Variants in TTF2 observed in about 807,000 individuals in gnomAD.
The protein encoded by TTF2 is RNA polymerase II termination factor.
TTF2 carries 108 observed loss-of-function variants against 142.4 expected under a neutral mutation model. The ratio of observed to expected loss-of-function variants is 0.76; its 90% CI spans 0.65 to 0.89. TTF2 has a LOEUF of 0.89. Among genes scored for constraint, TTF2 ranks in the 40% least tolerant of loss-of-function variants. The probability of loss-of-function intolerance (pLI) is 0.00; values close to 1 mark genes in which losing one functional copy is unlikely to be tolerated. For synonymous variants in TTF2, 483 were observed against 506.2 expected, an observed-to-expected ratio of 0.95 and a Z score of 0.61; for missense variants, 1,327 against 1,379.8, an observed-to-expected ratio of 0.96 and a Z score of 0.61.
Position 117,105,247 on chromosome 1 carries a change from C to T in TTF2, c.*3723C>T, listed in dbSNP as rs1649857507. On this transcript the variant is annotated 3_prime_UTR_variant, in exon 23 of 23. Transcript: ENST00000369466. The surrounding 1 kb of genome is among the most constrained non-coding windows in gnomAD (Gnocchi z 4.7). ...CAGCTGAGAACCAGATGGTGAACATCTGTCTCCAAAGTGCAACATTCCTGA... is the reference window on the plus strand; with the variant it reads ...CAGCTGAGAACCAGATGGTGAACATTTGTCTCCAAAGTGCAACATTCCTGA... 6.6e-6 allele frequency: 1 copy of T among 152,212 alleles called. No homozygotes were observed. The highest frequency in any genetic ancestry group is 6.5e-5 in the Admixed American group (1 of 15,286). The allele number at this position is 152,212 out of a possible 1,614,324, so 9.4% of individuals were successfully genotyped here. A position where few individuals can be genotyped will look rare whatever the true frequency, so the allele number is the denominator to read the frequency against.
At position 117,063,012 on chromosome 1, in the gene TTF2, C is replaced by T. The variant is rs1290648810; in HGVS notation, c.218+539C>T. Among the ~76,000 whole-genome samples, 3 of 152,126 alleles carry T rather than the reference C, an allele frequency of 2.0e-5. No homozygotes were observed. The highest frequency in any genetic ancestry group is 7.2e-5 in the African/African-American group (3 of 41,430). On this transcript the variant is annotated intron_variant, in intron 3 of 22. Coordinates refer to ENST00000369466, the MANE Select transcript of TTF2 (RefSeq NM_003594.4). This position sits in a 1 kb window ranked among gnomAD's most constrained non-coding sequence, Gnocchi z 4.1. ...ATTAGAGTACTAAGGCATGAATTAA[C>T]ATGGCATTTTCAGGGAAAATTTGAT...
intron 12 of TTF2, 103 bp from the exon 13 acceptor site, chr1:117,088,698 G>A: frequency 1.5e-6 from 2 of 1,314,262 alleles, no homozygotes; most frequent in South Asian, 3.0e-5. Flanking sequence ...AAATTTAAAG[G>A]TAAATGTGGG....
chr1:117,065,988 C>G (rs1019739750), intron 3 of TTF2, among the ~76,000 whole-genome samples: 1 of 97,952 alleles, frequency 1.0e-5, no homozygotes, highest in Non-Finnish European at 1.9e-5. Context: ...CACTATATAC[C>G]TTTTTTTTTT....
intron 19 of TTF2, 76 bp from the exon 20 acceptor site, chr1:117,096,073 T>C: frequency 5.3e-6 from 8 of 1,517,052 alleles, no homozygotes; most frequent in South Asian, 4.8e-5. Flanking sequence ...TTAAGAATGA[T>C]GAGGGCATTA....
rs749085011 is a variant in TTF2, at chr1:117,085,113, G to A, written c.2054+945G>A. Among the ~76,000 whole-genome samples the A allele has an allele frequency of 1.1e-4, 16 of 152,138 alleles. No individual in the cohort carries two copies. Among genetic ancestry groups the A allele is most frequent in the Non-Finnish European group, 1.9e-4 (13 of 68,032 alleles). ...TTGAATCTCACTTGATTTGTACTTT[G>A]AGCCTAACTTGTTTGGTATTTAGAA... is the stretch of plus-strand genomic sequence containing the variant. On this transcript the variant is annotated intron_variant, in intron 11 of 22. Coordinates refer to ENST00000369466, the MANE Select transcript of TTF2 (RefSeq NM_003594.4). This position sits in a 1 kb window ranked among gnomAD's most constrained non-coding sequence, Gnocchi z 4.7.
rs1332134305 is a variant in TTF2 at position 117,097,434 on chromosome 1, G to C, written c.3269+1G>C. 6.2e-7 allele frequency: 1 copy of C among 1,614,132 alleles called. No individual in the cohort carries two copies. Among genetic ancestry groups the C allele is most frequent in the East Asian group, 2.2e-5 (1 of 44,878 alleles). On this transcript the variant is annotated splice_donor_variant, in intron 21 of 22. Transcript: ENST00000369466. LOFTEE classifies it high-confidence loss of function. The surrounding 1 kb of genome is among the most constrained non-coding windows in gnomAD (Gnocchi z 4.1). ...ACCTCTTTCTTTTGGACATGCACTG[G>C]TAATGATTCCGGATTTGTCCTGGGT...
chr1:117,094,853 C>T, intron 18 of TTF2: 3 of 342,630 alleles, frequency 8.8e-6, no homozygotes, highest in South Asian at 6.7e-5. Context: ...CAGTGGGCAC[C>T]TAACCTGTAC....
Position 117,092,332 on chromosome 1 carries a change from T to C in TTF2, c.2805+382T>C, listed in dbSNP as rs1364997687. ...TTTCAGGCAGTTTTGGGGTTTTGGGTTCCAGTTATAAAAACTCAGATAGTT... is the reference window on the plus strand; with the variant it reads ...TTTCAGGCAGTTTTGGGGTTTTGGGCTCCAGTTATAAAAACTCAGATAGTT... On this transcript the variant is annotated intron_variant, in intron 17 of 22. Transcript: ENST00000369466. The surrounding 1 kb of genome is among the most constrained non-coding windows in gnomAD (Gnocchi z 4.4). Among the ~76,000 whole-genome samples the C allele has an allele frequency of 1.3e-5, 2 of 152,150 alleles. No homozygotes were observed. Among genetic ancestry groups the C allele is most frequent in the African/African-American group, 4.8e-5 (2 of 41,450 alleles).
intron 19 of TTF2, among the ~76,000 whole-genome samples, 168 bp from the exon 20 acceptor site, chr1:117,095,981 T>G (rs530389888): frequency 3.9e-5 from 6 of 152,362 alleles, no homozygotes; most frequent in African/African-American, 1.4e-4. Flanking sequence ...GGAAGCATTA[T>G]AATCTTCAGA....
chr1:117,088,192 G>T (rs549426161), intron 12 of TTF2, among the ~76,000 whole-genome samples: 1 of 152,260 alleles, frequency 6.6e-6, no homozygotes, highest in South Asian at 2.1e-4. Flanking sequence ...CAGGTTCAAT[G>T]CCTGGTGTAG....
In TTF2 at chr1:117,088,831, TG is replaced by T. The variant is rs1430771080; in HGVS notation, c.2194del (p.Ala732LeufsTer20). 1.2e-6 allele frequency: 2 copies of T among 1,613,856 alleles called. No individual in the cohort carries two copies. Among genetic ancestry groups the T allele is most frequent in the Non-Finnish European group, 1.7e-6 (2 of 1,179,958 alleles). On this transcript the variant is annotated frameshift_variant, in exon 13 of 23. Transcript: ENST00000369466. LOFTEE classifies it high-confidence loss of function. ...GTSTPLLRIA[W>X]ARIILDEAHN... ...CTCAACACCTTTGCTTCGAATAGCC[TG>T]GGCTCGAATCATATTGGATGAAGCT... is the stretch of plus-strand genomic sequence containing the variant.
At chr1:117,069,840 A>G (rs1428641420) in intron 3 of TTF2, among the ~76,000 whole-genome samples, 2 of 152,204 alleles carry the variant, frequency 1.3e-5, no homozygotes, top group African/African-American at 4.8e-5. Context: ...TTTGGTGAAG[A>G]AGTCAGGATT....
chr1:117,074,797 T>C (rs2101415652), intron 4 of TTF2, 73 bp from the exon 5 acceptor site: 1 of 1,367,070 alleles, frequency 7.3e-7, no homozygotes, highest in East Asian at 2.5e-5. Flanking sequence ...AAAGTTGAGA[T>C]GAAAAGGAAA....
chr1:117,097,473 C>A lies in TTF2; in HGVS notation c.3269+40C>A. On this transcript the variant is annotated intron_variant, in intron 21 of 22. Coordinates refer to ENST00000369466, the MANE Select transcript of TTF2 (RefSeq NM_003594.4). This position sits in a 1 kb window ranked among gnomAD's most constrained non-coding sequence, Gnocchi z 4.1. ...TTTGTCCTGGGTTGTCACAGCACAT[C>A]AAGGAGGCCAGTGGGCTACAGGGGC... The A allele has an allele frequency of 6.3e-7, 1 of 1,591,116 alleles. No homozygotes were observed. Among genetic ancestry groups the A allele is most frequent in the South Asian group, 1.1e-5 (1 of 90,604 alleles).
Position 117,089,052 on chromosome 1 carries a change from A to G in TTF2, c.2342+70A>G, listed in dbSNP as rs2274250. 477 of 1,495,342 alleles carry G rather than the reference A, an allele frequency of 3.2e-4. 2 individuals carry two copies. The East Asian group carries it at 8.4e-3, about 26-fold the overall frequency. The allele number at this position is 1,495,342 out of a possible 1,614,324, so 92.6% of individuals were successfully genotyped here. On this transcript the variant is annotated intron_variant, in intron 13 of 22. Transcript: ENST00000369466. ...TCCCTTCATCATTATTTCATGTCTC[A>G]TAATAAAGCCTTAGTATGTGCCAGA...
At position 117,062,465 on chromosome 1, in the gene TTF2, A is replaced by G. The variant is rs747454632; in HGVS notation, c.210A>G (p.Lys70=). The G allele has an allele frequency of 9.3e-6, 15 of 1,612,388 alleles. No individual in the cohort carries two copies. The highest frequency in any genetic ancestry group is 6.7e-5 in the Admixed American group (4 of 59,854). ...LQGLLLPQDK[K]EYRLFFRCIR... is the part of the protein sequence containing the mutation. ...GTTTGCTTCTGCCACAGGACAAGAAAGAATACAGGTAAGGGTCCAAAAGGA... is the reference window on the plus strand; with the variant it reads ...GTTTGCTTCTGCCACAGGACAAGAAGGAATACAGGTAAGGGTCCAAAAGGA... The change falls in exon 3 of 23, where the codon AAA becomes AAG. Residue 70 remains lysine, a synonymous_variant. Transcript: ENST00000369466.
intron 18 of TTF2, among the ~76,000 whole-genome samples, chr1:117,095,035 A>G (rs1648986189): frequency 6.6e-6 from 1 of 152,224 alleles, no homozygotes; most frequent in South Asian, 2.1e-4. Flanking sequence ...AACCCAGAGA[A>G]GCAGAGGCTG....
chr1:117,066,852 G>A (rs1656180522), intron 3 of TTF2, among the ~76,000 whole-genome samples: 1 of 152,044 alleles, frequency 6.6e-6, no homozygotes, highest in African/African-American at 2.4e-5. Flanking sequence ...ACAGGTGTGT[G>A]TCACGACGCC....
In TTF2 at chr1:117,073,593, A is replaced by G; in HGVS notation, c.219-68A>G. ...GTTGCAAGATGTTTTCTTGGATTAA[A>G]AATAAGCTTATCTCTTGTTCTAATG... On this transcript the variant is annotated intron_variant, in intron 3 of 22. Coordinates refer to ENST00000369466, the MANE Select transcript of TTF2 (RefSeq NM_003594.4). This position sits in a 1 kb window ranked among gnomAD's most constrained non-coding sequence, Gnocchi z 4.4. 6.8e-7 allele frequency: 1 copy of G among 1,463,212 alleles called. No individual in the cohort carries two copies. 90.6% of individuals were successfully genotyped at this position (1,463,212 alleles called of 1,614,324 possible).
Sources: allele counts gnomAD v4.1 joint callset (sites outside exome capture counted in the v4.1 genomes callset), GRCh38; gene constraint gnomAD v4.1.1; non-coding constraint Gnocchi (gnomAD v3.1); transcripts MANE v1.5; gene names NCBI Gene and HGNC (gene_info 2026-07-23, HGNC 2026-07-21).